Variants in OR13A1 observed in about 807,000 individuals in gnomAD.
OR13A1 encodes the protein olfactory receptor 13A1.
OR13A1 carries 10 observed loss-of-function variants against 7.5 expected under a neutral mutation model. That is an observed-to-expected ratio of 1.34 (90% CI 0.83 to 2.27). The LOEUF is 2.27. Among genes scored for constraint, OR13A1 ranks in the 30% most tolerant of loss-of-function variants. OR13A1 has a pLI of 0.00. For synonymous variants in OR13A1, 238 were observed against 177.9 expected (o/e 1.34, Z -2.69); for missense variants, 509 against 419.1 (o/e 1.21, Z -1.87).
Position 45,303,567 on chromosome 10 carries a change from C to T in OR13A1, c.856G>A (p.Ala286Thr), listed in dbSNP as rs763621429. ...AYISPVSGYS[A>T]GKSKLAGLLY... The stretch of plus-strand genomic sequence containing the variant: ...AGGCCAGCCAACTTGCTCTTCCCTG[C>T]GCTGTAGCCAGAGACCGGGCTTATG... The change falls in exon 4 of 4, where the codon GCA (alanine) becomes ACA (threonine). Residue 286 changes from alanine (A) to threonine (T), a missense_variant. Transcript: ENST00000553795. The T allele has an allele frequency of 5.6e-6, 9 of 1,614,090 alleles. No individual in the cohort carries two copies. The highest frequency in any genetic ancestry group is 6.8e-6 in the Non-Finnish European group (8 of 1,180,030).
intron 1 of OR13A1, among the ~76,000 whole-genome samples, chr10:45,314,380 G>A (rs1197393695): frequency 4.0e-5 from 6 of 151,376 alleles, no homozygotes; most frequent in Admixed American, 1.3e-4. Flanking sequence ...GAGAACTTCT[G>A]GAGGCCAGGA....
chr10:45,309,867 G>C (rs1211310966), intron 1 of OR13A1, among the ~76,000 whole-genome samples: 1 of 152,220 alleles, frequency 6.6e-6, no homozygotes, highest in South Asian at 2.1e-4. Context: ...ACTTTACTCT[G>C]TTTCTTAAAT....
intron 1 of OR13A1, among the ~76,000 whole-genome samples, chr10:45,311,322 GTA>G (rs1363391986): frequency 6.6e-6 from 1 of 152,128 alleles, no homozygotes; most frequent in African/African-American, 2.4e-5. Flanking sequence ...AAATACCATT[GTA>G]TCAGAGCTCC....
In OR13A1 at chr10:45,304,425, G is replaced by C. The variant is rs776736324; in HGVS notation, c.-3C>G. ...TGACTCTCCATCCACAGCTTCATGT[G>C]ATTTCAGAGCTAGAGAGATAAACAA... On this transcript the variant is annotated 5_prime_UTR_variant, in exon 4 of 4. It adds an upstream start codon to the 5' untranslated region. Coordinates refer to ENST00000553795, the MANE Select transcript of OR13A1 (RefSeq NM_001004297.3). The C allele has an allele frequency of 1.2e-6, 2 of 1,609,622 alleles. No individual in the cohort carries two copies. Among genetic ancestry groups the C allele is most frequent in the Non-Finnish European group, 1.7e-6 (2 of 1,178,022 alleles).
intron 1 of OR13A1, among the ~76,000 whole-genome samples, chr10:45,309,443 C>T (rs184674760): frequency 7.9e-5 from 12 of 152,156 alleles, no homozygotes; most frequent in Admixed American, 7.2e-4. Flanking sequence ...TCCCTGACTC[C>T]CTGGAAGGAA....
chr10:45,314,000 A>G (rs984038063), intron 1 of OR13A1, among the ~76,000 whole-genome samples: 1 of 152,152 alleles, frequency 6.6e-6, no homozygotes, highest in African/African-American at 2.4e-5. Context: ...GATAAATCAC[A>G]TGTTATACCA....
chr10:45,312,864 A>G (rs985477685), intron 1 of OR13A1, among the ~76,000 whole-genome samples: 2 of 152,148 alleles, frequency 1.3e-5, no homozygotes, highest in East Asian at 1.9e-4. Context: ...CCTTTCCAGG[A>G]TGAACAAAAA....
intron 3 of OR13A1, among the ~76,000 whole-genome samples, chr10:45,306,966 G>A (rs1838343695): frequency 6.6e-6 from 1 of 152,186 alleles, no homozygotes; most frequent in South Asian, 2.1e-4. Context: ...CTCTTATGAT[G>A]GCCCAGTGAG....
intron 1 of OR13A1, among the ~76,000 whole-genome samples, chr10:45,309,415 A>G (rs548680700): frequency 6.6e-6 from 1 of 151,944 alleles, no homozygotes; most frequent in Non-Finnish European, 1.5e-5. Flanking sequence ...ATCTAACTCT[A>G]TCTCCCCTAC....
At chr10:45,307,042 T>C (rs747278004) in intron 3 of OR13A1, among the ~76,000 whole-genome samples, 5 of 152,250 alleles carry the variant, frequency 3.3e-5, no homozygotes, top group Non-Finnish European at 7.3e-5. Context: ...GTGAGGTTTC[T>C]GCACTTCCGA....
chr10:45,304,549 C>A (rs1838289571), intron 3 of OR13A1, 115 bp from the exon 4 acceptor site: 4 of 864,376 alleles, frequency 4.6e-6, no homozygotes, highest in South Asian at 3.4e-5. Context: ...AAGATAAACA[C>A]CCCAATATTA....
intron 1 of OR13A1, among the ~76,000 whole-genome samples, chr10:45,313,037 G>A (rs969286340): frequency 3.9e-5 from 6 of 151,992 alleles, no homozygotes; most frequent in Admixed American, 3.9e-4. Flanking sequence ...GTACATAAAT[G>A]CACTTTTAAT....
intron 1 of OR13A1, chr10:45,308,604 C>G (rs1838382450): frequency 6.6e-6 from 1 of 152,100 alleles, no homozygotes; most frequent in South Asian, 2.1e-4. Flanking sequence ...CAACAAAAAC[C>G]ATTAAGTCTT....
intron 3 of OR13A1, among the ~76,000 whole-genome samples, chr10:45,305,738 C>G (rs1448453468): frequency 6.6e-6 from 1 of 152,196 alleles, no homozygotes; most frequent in African/African-American, 2.4e-5. Context: ...TTTGTTCTTC[C>G]CACTCCCTGA....
intron 3 of OR13A1, among the ~76,000 whole-genome samples, chr10:45,306,093 G>C (rs1838322655): frequency 6.6e-6 from 1 of 152,230 alleles, no homozygotes; most frequent in African/African-American, 2.4e-5. Context: ...TGCACATTCT[G>C]TACAGCTCAA....
At chr10:45,305,601 C>T (rs1838312415) in intron 3 of OR13A1, among the ~76,000 whole-genome samples, 1 of 152,172 alleles carries the variant, frequency 6.6e-6, no homozygotes, top group East Asian at 1.9e-4. Context: ...ATAAATGCTC[C>T]CAGCAACTTT....
intron 1 of OR13A1, among the ~76,000 whole-genome samples, chr10:45,315,182 C>T (rs1001938007): frequency 5.9e-5 from 9 of 152,000 alleles, no homozygotes; most frequent in African/African-American, 2.2e-4. Flanking sequence ...GGTGTGCTGG[C>T]TCATGCCTGT....
chr10:45,312,619 C>G (rs1005780886), intron 1 of OR13A1, among the ~76,000 whole-genome samples: 2 of 151,542 alleles, frequency 1.3e-5, no homozygotes, highest in East Asian at 1.9e-4. Flanking sequence ...GTGAGACACA[C>G]TATAATCAAA....
At position 45,303,324 on chromosome 10, in the gene OR13A1, G is replaced by C; in HGVS notation, c.*112C>G. ...AGCACTCCCAGCTCATCCATGCACA[G>C]GTTCTGCTGGGTTAGAAAAAACAAG... On this transcript the variant is annotated 3_prime_UTR_variant, in exon 4 of 4. Transcript: ENST00000553795. 8.7e-7 allele frequency: 1 copy of C among 1,154,688 alleles called. No homozygotes were observed. The highest frequency in any genetic ancestry group is 1.2e-6 in the Non-Finnish European group (1 of 810,804). 71.5% of individuals were successfully genotyped at this position (1,154,688 alleles called of 1,614,324 possible).
Sources: allele counts gnomAD v4.1 joint callset (sites outside exome capture counted in the v4.1 genomes callset), GRCh38; gene constraint gnomAD v4.1.1; transcripts MANE v1.5; gene names NCBI Gene and HGNC (gene_info 2026-07-23, HGNC 2026-07-21).